The following CAPN5 variants were observed in gnomAD, a reference collection of about 807,000 sequenced individuals.
The protein encoded by CAPN5 is calpain-5.
CAPN5 carries 54 observed loss-of-function variants against 73.0 expected under a neutral mutation model. The observed-to-expected ratio is 0.74, with a 90% CI of 0.59 to 0.93. CAPN5 has a LOEUF of 0.93. Among genes scored for constraint, CAPN5 ranks in the 40% least tolerant of loss-of-function variants. The pLI is 0.00. For missense variants in CAPN5, 785 were observed against 882.9 expected, an observed-to-expected ratio of 0.89 and a Z score of 1.41; for synonymous variants, 335 against 356.9, an observed-to-expected ratio of 0.94 and a Z score of 0.69.
intron 1 of CAPN5, among the ~76,000 whole-genome samples, chr11:77,083,258 G>A (rs1591115401): frequency 6.6e-6 from 1 of 152,168 alleles, no homozygotes; most frequent in African/African-American, 2.4e-5. Flanking sequence ...GCAGGTGGGG[G>A]GACAATGGCC....
In CAPN5 at chr11:77,112,591, C is replaced by T. The variant is rs1555040920; in HGVS notation, c.300C>T (p.Val100=). 3 of 1,613,186 alleles carry T rather than the reference C, an allele frequency of 1.9e-6. No homozygotes were observed. The highest frequency in any genetic ancestry group is 1.7e-4 in the Middle Eastern group (1 of 5,828). The part of the protein sequence containing the change: ...LASRESLWQK[V]IPDWKEQEWD... Reference sequence around the variant, plus strand: ...CTATCCCCCCTCCCCCTACCCAGGTCATCCCAGACTGGAAGGAGCAGGAAT... The same window carrying T: ...CTATCCCCCCTCCCCCTACCCAGGTTATCCCAGACTGGAAGGAGCAGGAAT... Residue 100 remains valine (V), a splice_region_variant and synonymous_variant, in exon 4 of 13, where the codon GTC becomes GTT. Coordinates refer to ENST00000648180, the MANE Select transcript of CAPN5 (RefSeq NM_004055.5).
chr11:77,113,365 C>G (rs1260992612), intron 4 of CAPN5, among the ~76,000 whole-genome samples: 1 of 152,234 alleles, frequency 6.6e-6, no homozygotes, highest in Non-Finnish European at 1.5e-5. Flanking sequence ...CAAAGTTTTG[C>G]TGAGCTGTGG....
At chr11:77,104,698 G>C (rs561522971) in intron 3 of CAPN5, among the ~76,000 whole-genome samples, 6 of 152,342 alleles carry the variant, frequency 3.9e-5, no homozygotes, top group African/African-American at 1.4e-4. Context: ...CCAGCACCCT[G>C]ACTTAAGGCC....
intron 2 of CAPN5, among the ~76,000 whole-genome samples, chr11:77,093,393 G>A (rs868962176): frequency 1.8e-4 from 28 of 152,318 alleles, no homozygotes; most frequent in African/African-American, 5.3e-4. Flanking sequence ...CGGGTCCAGC[G>A]CTCTGACGTC....
chr11:77,076,172 G>A (rs1949966894), intron 1 of CAPN5, among the ~76,000 whole-genome samples: 1 of 152,074 alleles, frequency 6.6e-6, no homozygotes, highest in Admixed American at 6.5e-5. Context: ...GACCAGCCTG[G>A]CCAACATGGT....
rs1555043775 is a variant in CAPN5, at chr11:77,125,786, G to C, written c.*1916G>C. On this transcript the variant is annotated 3_prime_UTR_variant, in exon 13 of 13. Coordinates refer to ENST00000648180, the MANE Select transcript of CAPN5 (RefSeq NM_004055.5). The stretch of plus-strand genomic sequence containing the variant: ...GGATACAGGGGCACACCAGGACCAA[G>C]TGGCAGACCTGTGGGCTTCAGCCTC... 6.6e-6 allele frequency: 1 copy of C among 152,526 alleles called. No individual in the cohort carries two copies. The highest frequency in any genetic ancestry group is 1.5e-5 in the Non-Finnish European group (1 of 68,036). 9.4% of individuals were successfully genotyped at this position (152,526 alleles called of 1,614,324 possible).
Position 77,093,827 on chromosome 11 carries a change from C to T in CAPN5, c.297+14C>T. The T allele has an allele frequency of 6.2e-7, 1 of 1,607,230 alleles. No homozygotes were observed. Among genetic ancestry groups the T allele is most frequent in the Non-Finnish European group, 8.5e-7 (1 of 1,179,886 alleles). On this transcript the variant is annotated intron_variant, in intron 3 of 12. Coordinates refer to ENST00000648180, the MANE Select transcript of CAPN5 (RefSeq NM_004055.5). Reference sequence around the variant, plus strand: ...CTGTGGCAAAAGGTGAGGCCTCGGGCAGAGTGGGCAGGGTGCTGGGGAGTG... The same window carrying T: ...CTGTGGCAAAAGGTGAGGCCTCGGGTAGAGTGGGCAGGGTGCTGGGGAGTG...
intron 1 of CAPN5, among the ~76,000 whole-genome samples, chr11:77,074,537 A>G (rs1555033646): frequency 3.3e-5 from 5 of 152,144 alleles, no homozygotes; most frequent in Non-Finnish European, 7.3e-5. Context: ...GCGCCAGCCC[A>G]AATCGGGCAC....
chr11:77,094,054 TC>T (rs1178788096), intron 3 of CAPN5, among the ~76,000 whole-genome samples: 1 of 152,108 alleles, frequency 6.6e-6, no homozygotes, highest in Non-Finnish European at 1.5e-5. Flanking sequence ...TTCTGATGTG[TC>T]CCCCCCAACA....
chr11:77,082,900 T>C (rs1950042431), intron 1 of CAPN5, among the ~76,000 whole-genome samples: 1 of 152,254 alleles, frequency 6.6e-6, no homozygotes, highest in Non-Finnish European at 1.5e-5. Context: ...TCTGGGCTCC[T>C]GCTTTCAGCT....
intron 3 of CAPN5, among the ~76,000 whole-genome samples, chr11:77,108,526 G>A (rs11237091): frequency 0.02 from 3,032 of 152,204 alleles, 90 homozygotes; most frequent in African/African-American, 0.069. Context: ...GGGCCAGGTG[G>A]CTGGTGTCCG....
At chr11:77,084,079 G>A (rs573462712) in intron 1 of CAPN5, among the ~76,000 whole-genome samples, 1 of 152,204 alleles carries the variant, frequency 6.6e-6, no homozygotes, top group Non-Finnish European at 1.5e-5. Context: ...TTGGCCGTCC[G>A]AGCATCTCTC....
chr11:77,099,717 G>T lies in CAPN5; in HGVS notation c.297+5904G>T, dbSNP rs1310559866. On this transcript the variant is annotated intron_variant, in intron 3 of 12. Coordinates refer to ENST00000648180, the MANE Select transcript of CAPN5 (RefSeq NM_004055.5). ...ATGAGAGGGAGACCGTGGGGAGAGG[G>T]AGAGGGAGACGGAGAGGGAGAGGGA... is the stretch of plus-strand genomic sequence containing the variant. Among the ~76,000 whole-genome samples, 35 of 149,906 alleles carry T rather than the reference G, an allele frequency of 2.3e-4. 1 individual carries two copies. The South Asian group carries it at 7.4e-3, about 32-fold the overall frequency.
At chr11:77,078,144 C>G (rs1052252195) in intron 1 of CAPN5, among the ~76,000 whole-genome samples, 1 of 152,292 alleles carries the variant, frequency 6.6e-6, no homozygotes, top group Middle Eastern at 3.4e-3. Flanking sequence ...ATTGCCCAGA[C>G]CAATGTCATA....
At chr11:77,115,004 G>C (rs1318407568) in intron 5 of CAPN5, among the ~76,000 whole-genome samples, 1 of 151,944 alleles carries the variant, frequency 6.6e-6, no homozygotes, top group African/African-American at 2.4e-5. Context: ...CAGAAATTGT[G>C]GTGAGCCAAG....
intron 2 of CAPN5, among the ~76,000 whole-genome samples, chr11:77,089,198 A>G (rs1950123360): frequency 6.6e-6 from 1 of 152,186 alleles, no homozygotes; most frequent in South Asian, 2.1e-4. Context: ...CTGGCACCAG[A>G]TAAAGGGCCC....
At chr11:77,105,186 C>T (rs1474703879) in intron 3 of CAPN5, among the ~76,000 whole-genome samples, 2 of 151,650 alleles carry the variant, frequency 1.3e-5, no homozygotes, top group Non-Finnish European at 2.9e-5. Context: ...TGCAGGTCCC[C>T]AATAAAGCCT....
rs782134580 is a variant in CAPN5, at chr11:77,122,698, C to A, written c.1726C>A (p.Pro576Thr). ...CTTCTACCGCAAGAAGCTGAGCCAG[C>A]CCATCACTGTACAGGTGAGCCCCCT... ...GIFYRKKLSQ[P>T]ITVQVWNHRV... The change falls in exon 12 of 13, where the codon CCC (proline) becomes ACC (threonine). Residue 576 changes from proline (P) to threonine (T), a missense_variant. Transcript: ENST00000648180. The A allele has an allele frequency of 7.4e-5, 119 of 1,613,474 alleles. No homozygotes were observed. Among genetic ancestry groups the A allele is most frequent in the Non-Finnish European group, 9.2e-5 (108 of 1,179,966 alleles).
At chr11:77,071,231 C>G (rs1949903062) in intron 1 of CAPN5, among the ~76,000 whole-genome samples, 1 of 152,228 alleles carries the variant, frequency 6.6e-6, no homozygotes, top group Non-Finnish European at 1.5e-5. Context: ...AGCCTGGGAG[C>G]CTTGGAGGCT....
Sources: gnomAD v4.1 joint callset for allele counts (sites outside exome capture counted in the v4.1 genomes callset) on GRCh38, gnomAD v4.1.1 for gene constraint, MANE v1.5 for transcripts, NCBI Gene and HGNC (gene_info 2026-07-23, HGNC 2026-07-21) for gene names.